TBC1D2B: variants seen among roughly 807,000 people sequenced by gnomAD.
TBC1D2B encodes the protein TBC1 domain family member 2B, also known as TBC1 domain family, member 2B.
In TBC1D2B, 64 loss-of-function variants were observed where a neutral mutation model predicts 100.8. The ratio of observed to expected loss-of-function variants is 0.64; its 90% CI spans 0.52 to 0.78. The LOEUF (loss-of-function observed/expected upper bound fraction) is 0.78. Among genes scored for constraint, TBC1D2B ranks in the 30% least tolerant of loss-of-function variants. The pLI is 0.00. For missense variants in TBC1D2B, 1,052 were observed against 1,218.4 expected, an observed-to-expected ratio of 0.86 and a Z score of 2.03; for synonymous variants, 480 against 479.7, an observed-to-expected ratio of 1.00 and a Z score of -0.01.
At chr15:78,068,040 AT>A (rs1187751998) in intron 1 of TBC1D2B, among the ~76,000 whole-genome samples, 1 of 152,206 alleles carries the variant, frequency 6.6e-6, no homozygotes, top group African/African-American at 2.4e-5. Flanking sequence ...TATTTTACAT[AT>A]GGATGCCCCC....
intron 3 of TBC1D2B, among the ~76,000 whole-genome samples, chr15:78,032,325 G>C (rs1244518505): frequency 1.3e-5 from 2 of 151,926 alleles, no homozygotes; most frequent in Admixed American, 1.3e-4. Flanking sequence ...ACCAAGCAAA[G>C]CTTAAAAGCA....
intron 11 of TBC1D2B, chr15:78,002,890 G>C (rs1249162442): frequency 5.6e-6 from 1 of 178,644 alleles, no homozygotes; most frequent in Non-Finnish European, 1.2e-5. Context: ...CAACAGAGCG[G>C]GTGGGAGGCT....
At chr15:78,011,224 A>G (rs1240041223) in intron 9 of TBC1D2B, among the ~76,000 whole-genome samples, 1 of 152,110 alleles carries the variant, frequency 6.6e-6, no homozygotes, top group Non-Finnish European at 1.5e-5. Context: ...CTTACTGAAA[A>G]CCATTTGGTT....
At chr15:78,038,688 T>G (rs2073005982) in intron 3 of TBC1D2B, among the ~76,000 whole-genome samples, 1 of 152,146 alleles carries the variant, frequency 6.6e-6, no homozygotes, top group Non-Finnish European at 1.5e-5. Flanking sequence ...CCCCCAACTC[T>G]AAATACAACC....
chr15:78,068,383 C>CCACACACACACACACA (rs35403620), intron 1 of TBC1D2B, among the ~76,000 whole-genome samples: 230 of 143,094 alleles, frequency 1.6e-3, no homozygotes, highest in African/African-American at 4.0e-3. Context: ...CACACCACAC[C>CCACACACACACACACA]CACACACACA....
intron 6 of TBC1D2B, among the ~76,000 whole-genome samples, chr15:78,023,557 T>A (rs1381660733): frequency 1.3e-5 from 2 of 152,166 alleles, no homozygotes; most frequent in African/African-American, 2.4e-5. Context: ...TCACTTCTGT[T>A]CAGGCAATAG....
intron 2 of TBC1D2B, among the ~76,000 whole-genome samples, chr15:78,045,803 C>T (rs934442330): frequency 6.6e-6 from 1 of 152,084 alleles, no homozygotes; most frequent in Non-Finnish European, 1.5e-5. Context: ...ATCAATGAAA[C>T]GAGGGGTAAT....
At chr15:78,058,486 C>G (rs2073473302) in intron 1 of TBC1D2B, among the ~76,000 whole-genome samples, 1 of 152,202 alleles carries the variant, frequency 6.6e-6, no homozygotes. Flanking sequence ...TGGTCTGGCC[C>G]CAGCTATAGT....
intron 6 of TBC1D2B, among the ~76,000 whole-genome samples, chr15:78,023,817 TC>T (rs1165872416): frequency 3.3e-5 from 5 of 152,214 alleles, no homozygotes; most frequent in Non-Finnish European, 4.4e-5. Flanking sequence ...GTGTGTGATT[TC>T]ATGCACACAG....
At chr15:78,041,296 C>T (rs1429579752) in intron 3 of TBC1D2B, among the ~76,000 whole-genome samples, 3 of 152,244 alleles carry the variant, frequency 2.0e-5, no homozygotes, top group Admixed American at 2.0e-4. Context: ...ATAAGTACAA[C>T]GGGCATTAAC....
chr15:78,076,616 G>A (rs1201962721), intron 1 of TBC1D2B, among the ~76,000 whole-genome samples: 1 of 152,044 alleles, frequency 6.6e-6, no homozygotes, highest in Non-Finnish European at 1.5e-5. Context: ...GCCAGGCGTG[G>A]TGGCCCGCAC....
chr15:78,018,391 T>TA (rs1567017766), intron 6 of TBC1D2B, among the ~76,000 whole-genome samples: 1 of 152,148 alleles, frequency 6.6e-6, no homozygotes, highest in Non-Finnish European at 1.5e-5. Context: ...CCAGTTTACG[T>TA]AAAAAAAGTC....
intron 1 of TBC1D2B, chr15:78,066,025 C>G: frequency 2.1e-6 from 1 of 471,040 alleles, no homozygotes; most frequent in South Asian, 1.5e-5. Flanking sequence ...AAAGTACTTA[C>G]CAGCTCTTTG....
chr15:78,064,907 A>G (rs2073626849), intron 1 of TBC1D2B, among the ~76,000 whole-genome samples: 1 of 152,222 alleles, frequency 6.6e-6, no homozygotes, highest in Non-Finnish European at 1.5e-5. Context: ...TGAACATAAC[A>G]AATTCTCCTT....
intron 2 of TBC1D2B, 61 bp from the exon 3 acceptor site, chr15:78,045,129 C>A (rs1436277941): frequency 6.9e-7 from 1 of 1,444,384 alleles, no homozygotes; most frequent in Non-Finnish European, 9.4e-7. Context: ...CTTGACATCC[C>A]ACATAAAACA....
Position 78,024,264 on chromosome 15 carries a change from G to A in TBC1D2B, c.1362C>T (p.Ile454=), listed in dbSNP as rs761490382. The A allele has an allele frequency of 2.5e-6, 4 of 1,613,916 alleles. No homozygotes were observed. In the South Asian group the frequency reaches 4.4e-5, roughly 18 times the overall value. Residue 454 remains isoleucine, a synonymous_variant, in exon 6 of 13, where the codon ATC becomes ATT. Coordinates refer to ENST00000300584, the MANE Select transcript of TBC1D2B (RefSeq NM_144572.2). The part of the protein sequence containing the change: ...METIQAKDEV[I]IKLSEGEGNG... The stretch of plus-strand genomic sequence containing the variant: ...TGCCCTCGCCCTCGCTGAGCTTGAT[G>A]ATGACCTCGTCCTTGGCTTGGATGG...
chr15:78,047,727 C>G (rs1310805738), intron 2 of TBC1D2B, among the ~76,000 whole-genome samples: 1 of 152,194 alleles, frequency 6.6e-6, no homozygotes, highest in Non-Finnish European at 1.5e-5. Flanking sequence ...GGCCAGAACC[C>G]AGACACCTGC....
intron 1 of TBC1D2B, among the ~76,000 whole-genome samples, chr15:78,070,254 C>T (rs569846902): frequency 6.6e-6 from 1 of 152,216 alleles, no homozygotes; most frequent in South Asian, 2.1e-4. Flanking sequence ...TCTCCACCCC[C>T]ACCCCCGCTC....
chr15:78,070,184 C>A (rs2073721594), intron 1 of TBC1D2B, among the ~76,000 whole-genome samples: 2 of 152,150 alleles, frequency 1.3e-5, no homozygotes, highest in African/African-American at 2.4e-5. Context: ...GCAACCAGCA[C>A]CCCCACCTAA....
Sources: allele counts gnomAD v4.1 joint callset (sites outside exome capture counted in the v4.1 genomes callset), GRCh38; gene constraint gnomAD v4.1.1; transcripts MANE v1.5; gene names NCBI Gene and HGNC (gene_info 2026-07-23, HGNC 2026-07-21).